The following PDGFD variants were observed in gnomAD, a reference collection of about 807,000 sequenced individuals.
The protein encoded by PDGFD is platelet-derived growth factor D.
Under a neutral mutation model 44.7 loss-of-function variants are expected in PDGFD, and 30 were observed. That is an observed-to-expected ratio of 0.67 (90% CI 0.50 to 0.91). PDGFD has a LOEUF of 0.91. Ranked by LOEUF, PDGFD falls within the 40% of genes least tolerant of loss-of-function variation. The pLI is 0.00. For missense variants in PDGFD, 445 were observed against 457.8 expected, an observed-to-expected ratio of 0.97 and a Z score of 0.25; for synonymous variants, 173 against 168.4, an observed-to-expected ratio of 1.03 and a Z score of -0.21.
At chr11:104,004,793 C>T (rs901179659) in intron 1 of PDGFD, among the ~76,000 whole-genome samples, 2 of 148,740 alleles carry the variant, frequency 1.3e-5, no homozygotes. Flanking sequence ...GGTCTAATCA[C>T]TTTATACAGA....
chr11:103,955,811 A>G (rs1858834405), intron 3 of PDGFD, among the ~76,000 whole-genome samples: 1 of 152,096 alleles, frequency 6.6e-6, no homozygotes, highest in African/African-American at 2.4e-5. Flanking sequence ...ATAAATTTTA[A>G]TAAGAAATAT....
intron 1 of PDGFD, among the ~76,000 whole-genome samples, chr11:104,073,772 C>T (rs1421292450): frequency 6.6e-6 from 1 of 152,170 alleles, no homozygotes; most frequent in Non-Finnish European, 1.5e-5. Context: ...ATCAAAACAT[C>T]ATTGATTACA....
chr11:104,106,065 C>T (rs1003569975), intron 1 of PDGFD, among the ~76,000 whole-genome samples: 1 of 152,146 alleles, frequency 6.6e-6, no homozygotes, highest in Non-Finnish European at 1.5e-5. Flanking sequence ...AAACCAGCAC[C>T]ACAGGGAGTT....
At chr11:104,160,453 C>T (rs1862372290) in intron 1 of PDGFD, among the ~76,000 whole-genome samples, 1 of 152,192 alleles carries the variant, frequency 6.6e-6, no homozygotes, top group Non-Finnish European at 1.5e-5. Context: ...TTAATCTGCA[C>T]ACTGAGCAAC....
intron 1 of PDGFD, among the ~76,000 whole-genome samples, chr11:104,154,908 AC>A (rs1479055086): frequency 1.3e-5 from 2 of 152,204 alleles, no homozygotes; most frequent in Non-Finnish European, 2.9e-5. Context: ...TTGGCCCTTT[AC>A]AAAAAAAGTC....
chr11:103,977,555 C>G (rs937186829), intron 3 of PDGFD, among the ~76,000 whole-genome samples: 2 of 152,010 alleles, frequency 1.3e-5, no homozygotes, highest in African/African-American at 4.8e-5. Flanking sequence ...GAGCTAGATT[C>G]CTTGAATCCC....
intron 3 of PDGFD, among the ~76,000 whole-genome samples, chr11:103,955,745 C>T (rs970098797): frequency 1.3e-5 from 2 of 152,034 alleles, no homozygotes; most frequent in Non-Finnish European, 2.9e-5. Context: ...CTTAGAGTTA[C>T]AAGAAGCCCT....
At chr11:104,037,300 C>CT in intron 1 of PDGFD, 1 of 1,613,606 alleles carries the variant, frequency 6.2e-7, no homozygotes, top group South Asian at 1.1e-5. Flanking sequence ...TCTGTCCCTG[C>CT]TCAAGGAACG....
chr11:103,942,319 A>G (rs1024412625), intron 5 of PDGFD, among the ~76,000 whole-genome samples: 1 of 152,174 alleles, frequency 6.6e-6, no homozygotes, highest in Non-Finnish European at 1.5e-5. Context: ...ATAACAGACT[A>G]GAAGTAACTG....
intron 1 of PDGFD, 22 bp from the exon 2 acceptor site, chr11:104,000,277 A>G (rs1859600942): frequency 6.3e-7 from 1 of 1,591,042 alleles, no homozygotes; most frequent in Non-Finnish European, 8.6e-7. Context: ...CACAACTTGT[A>G]GAAATTAGTA....
intron 1 of PDGFD, among the ~76,000 whole-genome samples, chr11:104,083,356 C>A (rs1259794632): frequency 6.6e-6 from 1 of 152,112 alleles, no homozygotes; most frequent in Non-Finnish European, 1.5e-5. Context: ...GTTTAAAGAA[C>A]CCGGCTTATA....
rs186299889 is a variant in PDGFD, at chr11:103,960,201, C to G, written c.511-12477G>C. ...TACAATTACAAAGGTATTTTTGGTG[C>G]CAAAAAAAGGATAAACTGCATTCCA... On this transcript the variant is annotated intron_variant, in intron 3 of 6. Coordinates refer to ENST00000393158, the MANE Select transcript of PDGFD (RefSeq NM_025208.5). 4.2e-3 allele frequency among the ~76,000 whole-genome samples: 640 copies of G among 152,084 alleles called. 4 individuals carry two copies. The highest frequency in any genetic ancestry group is 6.4e-3 in the Non-Finnish European group (434 of 67,962).
intron 3 of PDGFD, among the ~76,000 whole-genome samples, chr11:103,988,201 T>C (rs1859398915): frequency 1.3e-5 from 2 of 152,076 alleles, no homozygotes; most frequent in Admixed American, 6.6e-5. Flanking sequence ...AAAATATTAG[T>C]ACACCAAAGA....
Position 103,949,923 on chromosome 11 carries a change from T to C in PDGFD, c.511-2199A>G, listed in dbSNP as rs893365469. Among the ~76,000 whole-genome samples, 7 of 152,202 alleles carry C rather than the reference T, an allele frequency of 4.6e-5. No homozygotes were observed. In the South Asian group the frequency reaches 1.0e-3, roughly 23 times the overall value. On this transcript the variant is annotated intron_variant, in intron 3 of 6. Coordinates refer to ENST00000393158, the MANE Select transcript of PDGFD (RefSeq NM_025208.5). ...GGTAGAAGACTCAAAGGGAAAGCAA[T>C]GCTTAGACAAGGTGAGGAAAGTATA...
At chr11:103,983,800 C>A (rs1238194865) in intron 3 of PDGFD, among the ~76,000 whole-genome samples, 2 of 151,650 alleles carry the variant, frequency 1.3e-5, no homozygotes, top group Non-Finnish European at 2.9e-5. Context: ...ATGTGGCCGA[C>A]AATCACATGA....
intron 1 of PDGFD, among the ~76,000 whole-genome samples, chr11:104,118,771 A>C (rs1421487392): frequency 8.8e-6 from 1 of 113,944 alleles, no homozygotes; most frequent in Non-Finnish European, 1.7e-5. Flanking sequence ...TATAAATATT[A>C]ATATATAATA....
At chr11:104,037,779 C>T in intron 1 of PDGFD, 2 of 1,614,138 alleles carry the variant, frequency 1.2e-6, no homozygotes, top group Non-Finnish European at 1.7e-6. Flanking sequence ...GCTCTTTCTC[C>T]ATACTTGAGG....
chr11:104,060,559 T>G (rs1860697900), intron 1 of PDGFD, among the ~76,000 whole-genome samples: 1 of 152,242 alleles, frequency 6.6e-6, no homozygotes, highest in South Asian at 2.1e-4. Flanking sequence ...AAATTCTGCA[T>G]AAGTTTGTAG....
intron 5 of PDGFD, among the ~76,000 whole-genome samples, chr11:103,942,819 C>T (rs1858606874): frequency 6.6e-6 from 1 of 152,080 alleles, no homozygotes. Flanking sequence ...GACCAGGATC[C>T]TCATTCTTCT....
Sources: allele counts gnomAD v4.1 joint callset (sites outside exome capture counted in the v4.1 genomes callset), GRCh38; gene constraint gnomAD v4.1.1; transcripts MANE v1.5; gene names NCBI Gene and HGNC (gene_info 2026-07-23, HGNC 2026-07-21).